The following FAM178B variants were observed in gnomAD, a reference collection of about 807,000 sequenced individuals.
FAM178B encodes family with sequence similarity 178 member B, also known as protein FAM178B.
In FAM178B, 82 loss-of-function variants were observed where a neutral mutation model predicts 91.7. That is an observed-to-expected ratio of 0.89 (90% CI 0.75 to 1.07). The LOEUF is 1.07. FAM178B is among the 50% of genes least tolerant of loss of function. The pLI, the probability that FAM178B is intolerant of heterozygous loss-of-function variation, is 0.00. For synonymous variants in FAM178B, 368 were observed against 359.4 expected (o/e 1.02, Z -0.27); for missense variants, 769 against 846.7 (o/e 0.91, Z 1.14).
chr2:96,876,085 CG>C lies in FAM178B; in HGVS notation c.*190del. 1.8e-6 allele frequency: 1 copy of C among 569,536 alleles called. No homozygotes were observed. The highest frequency in any genetic ancestry group is 3.0e-6 in the Non-Finnish European group (1 of 329,342). 35.3% of individuals were successfully genotyped at this position (569,536 alleles called of 1,614,324 possible). A position where few individuals can be genotyped will look rare whatever the true frequency, so the allele number is the denominator to read the frequency against. ...ATCCCTTGCTGAGAGGAGAGGGGGT[CG>C]GGGCGGTGGCAGAGGCAGGCTCTTG... On this transcript the variant is annotated 3_prime_UTR_variant, in exon 17 of 17. Coordinates refer to ENST00000490605, the MANE Select transcript of FAM178B (RefSeq NM_001122646.3).
intron 14 of FAM178B, among the ~76,000 whole-genome samples, chr2:96,891,230 G>C (rs760274874): frequency 3.3e-5 from 5 of 152,222 alleles, no homozygotes; most frequent in African/African-American, 1.2e-4. Flanking sequence ...TCCCAGGCAG[G>C]ACCTCACTAG....
intron 13 of FAM178B, among the ~76,000 whole-genome samples, chr2:96,901,176 C>CTTT (rs1195230304): frequency 7.5e-6 from 1 of 132,472 alleles, no homozygotes; most frequent in Non-Finnish European, 1.6e-5. Flanking sequence ...ATTCTTTTTT[C>CTTT]TTTTTTTTTT....
At chr2:96,905,215 A>G (rs1208563913) in intron 12 of FAM178B, among the ~76,000 whole-genome samples, 1 of 152,140 alleles carries the variant, frequency 6.6e-6, no homozygotes, top group Non-Finnish European at 1.5e-5. Flanking sequence ...CATACACTTA[A>G]CTGTCTTTGC....
At chr2:96,889,683 A>AATAC in intron 14 of FAM178B, among the ~76,000 whole-genome samples, 1 of 129,408 alleles carries the variant, frequency 7.7e-6, no homozygotes, top group Non-Finnish European at 1.6e-5. Flanking sequence ...GTCTCAAATA[A>AATAC]ATAAATAAAT....
At position 96,986,488 on chromosome 2, in the gene FAM178B, G is replaced by C. The variant is rs924518322; in HGVS notation, c.-175C>G. 3 of 735,958 alleles carry C rather than the reference G, an allele frequency of 4.1e-6. No individual in the cohort carries two copies. Among genetic ancestry groups the C allele is most frequent in the South Asian group, 1.9e-5 (1 of 53,106 alleles). The allele number at this position is 735,958 out of a possible 1,614,324, so 45.6% of individuals were successfully genotyped here. On this transcript the variant is annotated 5_prime_UTR_variant, in exon 1 of 17. The change creates a new upstream start codon in the 5' untranslated region. Coordinates refer to ENST00000490605, the MANE Select transcript of FAM178B (RefSeq NM_001122646.3). Reference sequence around the variant, plus strand: ...CAGGGCCGCCAACGTGGAACCTAAAGATCCAGTTCTGGGGATTGAGTTCCG... The same window carrying C: ...CAGGGCCGCCAACGTGGAACCTAAACATCCAGTTCTGGGGATTGAGTTCCG...
chr2:96,932,100 G>C (rs546303831), intron 8 of FAM178B, among the ~76,000 whole-genome samples: 1 of 152,302 alleles, frequency 6.6e-6, no homozygotes, highest in East Asian at 1.9e-4. Context: ...GGCCCCGGGA[G>C]GCCCAGGTGG....
intron 8 of FAM178B, among the ~76,000 whole-genome samples, chr2:96,936,023 T>C (rs551073859): frequency 1.3e-5 from 2 of 152,114 alleles, no homozygotes; most frequent in South Asian, 4.1e-4. Flanking sequence ...GTAACAAATA[T>C]ACACACTAAC....
chr2:96,904,953 A>C (rs887332795), intron 12 of FAM178B, among the ~76,000 whole-genome samples: 1 of 150,774 alleles, frequency 6.6e-6, no homozygotes, highest in African/African-American at 2.4e-5. Context: ...CAGTAGAGAC[A>C]GGTTTCAACA....
At chr2:96,941,777 AC>A in intron 8 of FAM178B, among the ~76,000 whole-genome samples, 1 of 152,354 alleles carries the variant, frequency 6.6e-6, no homozygotes, top group East Asian at 1.9e-4. Context: ...ATGGAAAAGA[AC>A]CTACGCAAGC....
chr2:96,929,498 G>A (rs1272601448), intron 8 of FAM178B, among the ~76,000 whole-genome samples, 178 bp from the exon 9 acceptor site: 1 of 152,214 alleles, frequency 6.6e-6, no homozygotes, highest in Non-Finnish European at 1.5e-5. Context: ...TACTTCTGGG[G>A]CTTTGTGAAT....
intron 16 of FAM178B, 78 bp from the exon 17 acceptor site, chr2:96,876,386 G>C: frequency 2.0e-6 from 3 of 1,536,128 alleles, no homozygotes; most frequent in Non-Finnish European, 2.6e-6. Flanking sequence ...CCGGGCTGGC[G>C]GTGTCCATTC....
At chr2:96,890,732 A>G (rs896834185) in intron 14 of FAM178B, among the ~76,000 whole-genome samples, 1 of 152,206 alleles carries the variant, frequency 6.6e-6, no homozygotes. Flanking sequence ...AACTGGGGCG[A>G]ATTGGTATCC....
intron 9 of FAM178B, among the ~76,000 whole-genome samples, chr2:96,926,723 C>T (rs2081445659): frequency 6.6e-6 from 1 of 152,216 alleles, no homozygotes; most frequent in East Asian, 1.9e-4. Flanking sequence ...AGGACTGCAT[C>T]TTTCTGAAAG....
At chr2:96,928,015 G>C (rs901940957) in intron 9 of FAM178B, among the ~76,000 whole-genome samples, 8 of 152,252 alleles carry the variant, frequency 5.3e-5, no homozygotes, top group Admixed American at 1.3e-4. Context: ...AAAGGGGCAG[G>C]AGCACGGCAG....
intron 12 of FAM178B, among the ~76,000 whole-genome samples, chr2:96,909,678 G>A (rs184737764): frequency 4.0e-5 from 6 of 151,830 alleles, no homozygotes; most frequent in East Asian, 1.9e-4. Context: ...TTTTTCACAC[G>A]TCTTGCTGTC....
intron 8 of FAM178B, among the ~76,000 whole-genome samples, chr2:96,944,325 T>G (rs1004778612): frequency 6.0e-5 from 9 of 151,210 alleles, no homozygotes. Flanking sequence ...AGGCTGGAAA[T>G]TCTTCAGACA....
chr2:96,882,626 T>C (rs1002632699), intron 14 of FAM178B, among the ~76,000 whole-genome samples: 2 of 152,208 alleles, frequency 1.3e-5, no homozygotes, highest in African/African-American at 4.8e-5. Flanking sequence ...CTGCACTCCC[T>C]GCCTTACCTG....
intron 8 of FAM178B, among the ~76,000 whole-genome samples, chr2:96,945,257 C>A (rs937339128): frequency 2.0e-5 from 3 of 152,166 alleles, no homozygotes; most frequent in African/African-American, 7.2e-5. Flanking sequence ...GAATACAATT[C>A]TCCGTTACCG....
At chr2:96,881,535 C>T (rs899904587) in intron 14 of FAM178B, among the ~76,000 whole-genome samples, 5 of 151,900 alleles carry the variant, frequency 3.3e-5, no homozygotes, top group African/African-American at 4.8e-5. Context: ...CATGGGCTCT[C>T]GGGGGAGTCT....
Sources: allele counts gnomAD v4.1 joint callset (sites outside exome capture counted in the v4.1 genomes callset), GRCh38; gene constraint gnomAD v4.1.1; transcripts MANE v1.5; gene names NCBI Gene and HGNC (gene_info 2026-07-23, HGNC 2026-07-21).